MINDY2: variants seen among roughly 807,000 people sequenced by gnomAD.
The protein encoded by MINDY2 is MINDY lysine 48 deubiquitinase 2, also known as ubiquitin carboxyl-terminal hydrolase MINDY-2.
A neutral mutation model predicts 68.2 loss-of-function variants in MINDY2; 52 were observed. That is an observed-to-expected ratio of 0.76 (90% CI 0.61 to 0.96). MINDY2 has a LOEUF of 0.96. Among genes scored for constraint, MINDY2 ranks in the 40% least tolerant of loss-of-function variants. The probability of loss-of-function intolerance (pLI) is 0.00; values close to 1 mark genes in which losing one functional copy is unlikely to be tolerated. For missense variants in MINDY2, 881 were observed against 773.4 expected (o/e 1.14, Z -1.65); for synonymous variants, 372 against 303.0 (o/e 1.23, Z -2.36).
In MINDY2 at chr15:58,859,652, C is replaced by T. The variant is rs1355323734; in HGVS notation, c.*5042C>T. The T allele has an allele frequency of 6.6e-6, 1 of 152,012 alleles. No individual in the cohort carries two copies. Among genetic ancestry groups the T allele is most frequent in the Non-Finnish European group, 1.5e-5 (1 of 67,990 alleles). 9.4% of individuals were successfully genotyped at this position (152,012 alleles called of 1,614,324 possible). On this transcript the variant is annotated 3_prime_UTR_variant, in exon 9 of 9. Transcript: ENST00000559228. ...CTGAACAAAACAAATTGCAAAATAG[C>T]GATAATGGCATGGGAGAGGCCAGAT...
intron 6 of MINDY2, among the ~76,000 whole-genome samples, chr15:58,836,205 C>T (rs1462325566): frequency 2.0e-5 from 3 of 151,802 alleles, no homozygotes; most frequent in Admixed American, 6.6e-5. Flanking sequence ...CGACCGCACC[C>T]GGCCTATTGC....
rs1342510726 is a variant in MINDY2, at chr15:58,825,754, C to T, written c.1225+3935C>T. On this transcript the variant is annotated intron_variant, in intron 5 of 8. Transcript: ENST00000559228. Reference sequence around the variant, plus strand: ...CCAGGTAGCTGGGACTACAGGCTCACGCCACCACGCTGGCTAATTTTTTGT... The same window carrying T: ...CCAGGTAGCTGGGACTACAGGCTCATGCCACCACGCTGGCTAATTTTTTGT... 3.3e-5 allele frequency among the ~76,000 whole-genome samples: 5 copies of T among 152,192 alleles called. No homozygotes were observed. The South Asian group carries it at 6.2e-4, about 19-fold the overall frequency.
Position 58,821,736 on chromosome 15 carries a change from C to G in MINDY2, c.1142C>G (p.Ala381Gly). The change falls in exon 5 of 9, where the codon GCT becomes GGT. Residue 381 changes from alanine (A) to glycine (G), a missense_variant. Coordinates refer to ENST00000559228, the MANE Select transcript of MINDY2 (RefSeq NM_001040450.3). ...TTCTAGATTGATGACATTGTAAAAG[C>G]TGTTGGTAACTGCAGCTACAACCAA... is the stretch of plus-strand genomic sequence containing the variant. ...VDPQIDDIVK[A>G]VGNCSYNQLV... The G allele has an allele frequency of 6.3e-7, 1 of 1,577,816 alleles. No individual in the cohort carries two copies. The highest frequency in any genetic ancestry group is 8.6e-7 in the Non-Finnish European group (1 of 1,167,324).
chr15:58,849,713 T>C (rs182004201), intron 7 of MINDY2, among the ~76,000 whole-genome samples: 155 of 152,304 alleles, frequency 1.0e-3, no homozygotes, highest in Non-Finnish European at 1.7e-3. Flanking sequence ...ATAGTCATGC[T>C]ATATATATGA....
Position 58,857,740 on chromosome 15 carries a change from C to T in MINDY2, c.*3130C>T, listed in dbSNP as rs998720093. The stretch of plus-strand genomic sequence containing the variant: ...CTGCTAACAAAAGTTAGAACTTAAA[C>T]ATTTTTGTTTTTATCATTTATAGCC... On this transcript the variant is annotated 3_prime_UTR_variant, in exon 9 of 9. Transcript: ENST00000559228. 1.3e-4 allele frequency: 20 copies of T among 152,158 alleles called. No individual in the cohort carries two copies. Among genetic ancestry groups the T allele is most frequent in the African/African-American group, 4.6e-4 (19 of 41,532 alleles). The allele number at this position is 152,158 out of a possible 1,614,324, so 9.4% of individuals were successfully genotyped here.
chr15:58,817,795 C>T (rs963837205), intron 4 of MINDY2: 9 of 152,194 alleles, frequency 5.9e-5, no homozygotes, highest in African/African-American at 2.2e-4. Flanking sequence ...AGAGAATTCT[C>T]ATTCCTTGTG....
chr15:58,794,903 T>C (rs1422001939), intron 2 of MINDY2, among the ~76,000 whole-genome samples: 2 of 152,046 alleles, frequency 1.3e-5, no homozygotes, highest in Non-Finnish European at 2.9e-5. Context: ...TCTGTGGAAG[T>C]TGGGCCGGGC....
intron 4 of MINDY2, among the ~76,000 whole-genome samples, chr15:58,812,449 A>AG (rs1393954921): frequency 6.6e-6 from 1 of 152,090 alleles, no homozygotes; most frequent in African/African-American, 2.4e-5. Context: ...AAAAAAAAAA[A>AG]AAGAAATAAT....
chr15:58,835,978 C>T (rs1293658776), intron 6 of MINDY2, among the ~76,000 whole-genome samples: 5 of 152,086 alleles, frequency 3.3e-5, no homozygotes, highest in Non-Finnish European at 7.4e-5. Flanking sequence ...GGCACAATCT[C>T]GGCTCGCTGC....
At position 58,810,222 on chromosome 15, in the gene MINDY2, A is replaced by C. The variant is rs368815940; in HGVS notation, c.964-8A>C. ...CTGAATTAGAACTTTCCCCTTTTCT[A>C]TTTTCAGAATATGAGTGATGCCATG... On this transcript the variant is annotated splice_region_variant and splice_polypyrimidine_tract_variant and intron_variant, in intron 3 of 8. Coordinates refer to ENST00000559228, the MANE Select transcript of MINDY2 (RefSeq NM_001040450.3). The C allele has an allele frequency of 2.5e-6, 4 of 1,589,192 alleles. No homozygotes were observed. In the African/African-American group the frequency reaches 5.4e-5, roughly 22 times the overall value.
chr15:58,802,263 A>G, intron 2 of MINDY2, 50 bp from the exon 3 acceptor site: 1 of 1,253,142 alleles, frequency 8.0e-7, no homozygotes, highest in Non-Finnish European at 1.1e-6. Context: ...TGTAATCAGA[A>G]AAACAAGTTT....
chr15:58,783,887 A>C (rs1433507488), intron 1 of MINDY2, among the ~76,000 whole-genome samples: 1 of 152,136 alleles, frequency 6.6e-6, no homozygotes, highest in African/African-American at 2.4e-5. Context: ...TTGAGGGTAC[A>C]ATGAGCCATG....
intron 5 of MINDY2, among the ~76,000 whole-genome samples, chr15:58,831,055 A>ATATATATATATATATATATG (rs1204574446): frequency 3.4e-5 from 5 of 145,500 alleles, no homozygotes; most frequent in African/African-American, 1.4e-4. Flanking sequence ...ATATATATAT[A>ATATATATATATATATATATG]TATATGTTTT....
At chr15:58,819,588 C>T (rs1260444294) in intron 4 of MINDY2, among the ~76,000 whole-genome samples, 2 of 152,094 alleles carry the variant, frequency 1.3e-5, no homozygotes, top group African/African-American at 4.8e-5. Flanking sequence ...CCTCAAGATA[C>T]CCTCCTGCCT....
chr15:58,843,253 G>T (rs537302559), intron 6 of MINDY2, among the ~76,000 whole-genome samples: 1 of 152,240 alleles, frequency 6.6e-6, no homozygotes, highest in East Asian at 1.9e-4. Context: ...GGGTTCAAGC[G>T]ATTCTTCTGC....
In MINDY2 at chr15:58,774,823, A is replaced by G. The variant is rs189972576; in HGVS notation, c.840+2588A>G. ...CAACCTTGGTTGAAGTGTGCAGCAT[A>G]GGAGGTAAACGAAATGGTGGTAATA... On this transcript the variant is annotated intron_variant, in intron 1 of 8. Coordinates refer to ENST00000559228, the MANE Select transcript of MINDY2 (RefSeq NM_001040450.3). Among the ~76,000 whole-genome samples the G allele has an allele frequency of 2.1e-4, 32 of 152,356 alleles. No homozygotes were observed. The East Asian group carries it at 6.2e-3, about 29-fold the overall frequency.
At chr15:58,840,608 T>C (rs1252319570) in intron 6 of MINDY2, among the ~76,000 whole-genome samples, 3 of 149,300 alleles carry the variant, frequency 2.0e-5, no homozygotes, top group Non-Finnish European at 3.0e-5. Flanking sequence ...GAAATACACA[T>C]TGACCTCACT....
At chr15:58,784,719 A>G (rs1283449542) in intron 1 of MINDY2, among the ~76,000 whole-genome samples, 1 of 149,548 alleles carries the variant, frequency 6.7e-6, no homozygotes, top group Non-Finnish European at 1.5e-5. Context: ...TCCTGGGTTC[A>G]AGTGGTGCTC....
At position 58,851,971 on chromosome 15, in the gene MINDY2, A is replaced by C; in HGVS notation, c.1737+6A>C. 1.9e-6 allele frequency: 3 copies of C among 1,571,884 alleles called. No individual in the cohort carries two copies. The highest frequency in any genetic ancestry group is 2.6e-6 in the Non-Finnish European group (3 of 1,166,222). On this transcript the variant is annotated splice_donor_region_variant and intron_variant, in intron 8 of 8. Transcript: ENST00000559228. ...CTGCTTCTACACAGGCTCAGGTAAA[A>C]ACTAGTGTTTTGAGTCTTAAATGTG...
Sources: allele counts gnomAD v4.1 joint callset (sites outside exome capture counted in the v4.1 genomes callset), GRCh38; gene constraint gnomAD v4.1.1; transcripts MANE v1.5; gene names NCBI Gene and HGNC (gene_info 2026-07-23, HGNC 2026-07-21).